The following CFAP161 variants were observed in gnomAD, a reference collection of about 807,000 sequenced individuals.
The protein encoded by CFAP161 is cilia and flagella associated protein 161.
A neutral mutation model predicts 29.0 loss-of-function variants in CFAP161; 25 were observed. The ratio of observed to expected loss-of-function variants is 0.86; its 90% CI spans 0.63 to 1.20. CFAP161 has a LOEUF of 1.20. Ranked by LOEUF, CFAP161 falls within the 50% of genes most tolerant of loss-of-function variation. CFAP161 has a pLI of 0.00. For missense variants in CFAP161, 367 were observed against 371.9 expected (o/e 0.99, Z 0.11); for synonymous variants, 116 against 137.4 (o/e 0.84, Z 1.09).
chr15:81,135,820 T>C (rs537705181), intron 2 of CFAP161, among the ~76,000 whole-genome samples: 3 of 152,300 alleles, frequency 2.0e-5, no homozygotes, highest in East Asian at 3.9e-4. Flanking sequence ...AGTGCCGCAG[T>C]TGGTGGGACT....
chr15:81,118,280 CTG>C (rs1894525092), intron 1 of CFAP161: 1 of 511,878 alleles, frequency 2.0e-6, no homozygotes, highest in Non-Finnish European at 3.7e-6. Flanking sequence ...ACAAATTCAG[CTG>C]TTAAGCTCTC....
At chr15:81,112,832 T>C (rs866678430) in intron 1 of CFAP161, among the ~76,000 whole-genome samples, 1 of 152,200 alleles carries the variant, frequency 6.6e-6, no homozygotes, top group African/African-American at 2.4e-5. Context: ...AGTTTTCTAG[T>C]ATATAGCTAG....
In CFAP161 at chr15:81,148,633, C is replaced by T. The variant is rs1479178967; in HGVS notation, c.*100C>T. The T allele has an allele frequency of 4.7e-5, 54 of 1,146,776 alleles. No homozygotes were observed. Among genetic ancestry groups the T allele is most frequent in the Non-Finnish European group, 6.1e-6 (5 of 818,916 alleles). 71.0% of individuals were successfully genotyped at this position (1,146,776 alleles called of 1,614,324 possible). ...GTCATGCCTCAAGCTATTTTTGAAT[C>T]AGATGTGGGACTCTCTGGGCACTAT... On this transcript the variant is annotated 3_prime_UTR_variant, in exon 7 of 7. Coordinates refer to ENST00000286732, the MANE Select transcript of CFAP161 (RefSeq NM_173528.4).
rs528861478 is a variant in CFAP161 at position 81,112,109 on chromosome 15, A to T, written c.-141-15481A>T. Among the ~76,000 whole-genome samples the T allele has an allele frequency of 4.6e-5, 7 of 152,222 alleles. No homozygotes were observed. The East Asian group carries it at 1.3e-3, about 29-fold the overall frequency. On this transcript the variant is annotated intron_variant, in intron 1 of 4. Coordinates refer to the CFAP161 transcript ENST00000560091. ...TACTTTCCCGAGAGTTACCAGTAATATCTTTAATCTGTTTTTAATGATGAA... is the reference window on the plus strand; with the variant it reads ...TACTTTCCCGAGAGTTACCAGTAATTTCTTTAATCTGTTTTTAATGATGAA...
chr15:81,132,932 A>T (rs1212439238), upstream of CFAP161, among the ~76,000 whole-genome samples: 1 of 151,978 alleles, frequency 6.6e-6, no homozygotes, highest in African/African-American at 2.4e-5. Context: ...ATCTGATCTA[A>T]CTGCTTTGTC....
chr15:81,141,909 C>A (rs1894916655), intron 4 of CFAP161, among the ~76,000 whole-genome samples: 1 of 152,166 alleles, frequency 6.6e-6, no homozygotes, highest in Admixed American at 6.5e-5. Flanking sequence ...CTCTCGAACT[C>A]CTGACCTCAA....
At chr15:81,117,743 G>T in intron 1 of CFAP161, 3 of 300,176 alleles carry the variant, frequency 1.0e-5, no homozygotes, top group South Asian at 3.7e-5. Context: ...TCTTTATCAA[G>T]TCCAAATTCT....
chr15:81,136,305 T>A (rs1894807822), intron 2 of CFAP161, among the ~76,000 whole-genome samples: 2 of 152,232 alleles, frequency 1.3e-5, no homozygotes, highest in Non-Finnish European at 2.9e-5. Flanking sequence ...TCCATGTGAT[T>A]TTAACCAGCT....
chr15:81,125,763 A>G (rs2141871677), intron 1 of CFAP161, among the ~76,000 whole-genome samples: 1 of 152,350 alleles, frequency 6.6e-6, no homozygotes, highest in African/African-American at 2.4e-5. Context: ...CATATCCGTA[A>G]CACATCTAAA....
At chr15:81,129,292 A>G (rs181878078), upstream of CFAP161, among the ~76,000 whole-genome samples, 1 of 152,218 alleles carries the variant, frequency 6.6e-6, no homozygotes, top group Admixed American at 6.5e-5. Flanking sequence ...TAAGGGACCT[A>G]GTGTATTATT....
intron 1 of CFAP161, chr15:81,099,659 AG>A (rs1260702460): frequency 1.3e-5 from 2 of 152,210 alleles, no homozygotes; most frequent in Non-Finnish European, 2.9e-5. Context: ...CCCAACATGC[AG>A]GGTTGTCTGT....
Position 81,135,320 on chromosome 15 carries a change from A to C in CFAP161, c.120A>C (p.Ile40=), listed in dbSNP as rs777019809. 7 of 1,599,894 alleles carry C rather than the reference A, an allele frequency of 4.4e-6. No individual in the cohort carries two copies. In the East Asian group the frequency reaches 1.6e-4, roughly 36 times the overall value. The change falls in exon 2 of 7, where the codon ATA becomes ATC. Residue 40 remains isoleucine (I), a synonymous_variant. Transcript: ENST00000286732. The part of the protein sequence containing the change: ...LEKRDKGKLL[I]QRSRRLKQNL... ...AGAGAGACAAGGGGAAACTTCTCATACAGAGAAGTAGAAGACTAAAACAGA... is the reference window on the plus strand; with the variant it reads ...AGAGAGACAAGGGGAAACTTCTCATCCAGAGAAGTAGAAGACTAAAACAGA...
At chr15:81,126,623 C>T (rs1894644693) in intron 1 of CFAP161, among the ~76,000 whole-genome samples, 2 of 152,136 alleles carry the variant, frequency 1.3e-5, no homozygotes, top group Admixed American at 1.3e-4. Context: ...TTGCTCTGAG[C>T]TCAAGATTTT....
At chr15:81,134,223 C>A, upstream of CFAP161, 1 of 1,337,500 alleles carries the variant, frequency 7.5e-7, no homozygotes, top group Non-Finnish European at 1.0e-6. Context: ...TATTGGCCAG[C>A]AGGGTCCCAG....
rs182293053 is a variant in CFAP161, at chr15:81,119,487, T to C, written c.-141-8103T>C. On this transcript the variant is annotated intron_variant, in intron 1 of 4. Transcript: ENST00000560091. ...TGACTTTTAATAAATTAACAGATTT[T>C]AATAACGTTATATAATTTTTGAAAC... Among the ~76,000 whole-genome samples, 103 of 152,244 alleles carry C rather than the reference T, an allele frequency of 6.8e-4. 1 individual carries two copies. The highest frequency in any genetic ancestry group is 4.4e-3 in the Admixed American group (68 of 15,300).
chr15:81,134,408 G>C lies in CFAP161; in HGVS notation c.69+10G>C. 3.2e-6 allele frequency: 5 copies of C among 1,576,336 alleles called. No individual in the cohort carries two copies. The highest frequency in any genetic ancestry group is 4.3e-6 in the Non-Finnish European group (5 of 1,161,152). The stretch of plus-strand genomic sequence containing the variant: ...TGTCTACCTGGAGGAGGTACGCAGG[G>C]TGTGGCCAGGCGCAGACCCGCAGCT... On this transcript the variant is annotated intron_variant, in intron 1 of 6. Transcript: ENST00000286732.
At chr15:81,122,542 A>C (rs1894587945) in intron 1 of CFAP161, among the ~76,000 whole-genome samples, 2 of 147,668 alleles carry the variant, frequency 1.4e-5, no homozygotes, top group African/African-American at 5.1e-5. Flanking sequence ...CCCAGGCTGG[A>C]GTGCAGTGGT....
intron 1 of CFAP161, among the ~76,000 whole-genome samples, chr15:81,113,169 T>C (rs1894459087): frequency 6.6e-6 from 1 of 152,218 alleles, no homozygotes; most frequent in Non-Finnish European, 1.5e-5. Context: ...TATGTTACTT[T>C]GTTTATCTTG....
rs1895057765 is a variant in CFAP161 at position 81,148,909 on chromosome 15, T to A, written c.*376T>A. 1 of 157,444 alleles carries A rather than the reference T, an allele frequency of 6.4e-6. No individual in the cohort carries two copies. The highest frequency in any genetic ancestry group is 1.4e-5 in the Non-Finnish European group (1 of 71,568). The allele number at this position is 157,444 out of a possible 1,614,324, so 9.8% of individuals were successfully genotyped here. On this transcript the variant is annotated 3_prime_UTR_variant, in exon 7 of 7. Transcript: ENST00000286732. ...ATACTGAATTTTTGGTACCACAGTT[T>A]CCCTCTTGAATGTACTAAAACACAA...
Sources: gnomAD v4.1 joint callset for allele counts (sites outside exome capture counted in the v4.1 genomes callset) on GRCh38, gnomAD v4.1.1 for gene constraint, MANE v1.5 for transcripts, NCBI Gene and HGNC (gene_info 2026-07-23, HGNC 2026-07-21) for gene names.